The following CTNS variants were observed in gnomAD, a reference collection of about 807,000 sequenced individuals.
CTNS encodes the protein cystinosin, lysosomal cystine transporter.
A neutral mutation model predicts 43.7 loss-of-function variants in CTNS; 27 were observed. The observed-to-expected ratio is 0.62, with a 90% CI of 0.46 to 0.85. CTNS has a LOEUF of 0.85. CTNS is among the 40% of genes least tolerant of loss of function. The pLI is 0.00. For synonymous variants in CTNS, 187 were observed against 190.6 expected (o/e 0.98, Z 0.16); for missense variants, 457 against 475.4 (o/e 0.96, Z 0.36).
At chr17:3,654,061 C>T (rs993026721) in intron 5 of CTNS, among the ~76,000 whole-genome samples, 1 of 152,118 alleles carries the variant, frequency 6.6e-6, no homozygotes, top group Non-Finnish European at 1.5e-5. Context: ...GCCAGGCTGG[C>T]ACAGGGCACA....
rs991540823 is a variant in CTNS, at chr17:3,660,532, C to G, written c.*163C>G. 2 of 1,612,468 alleles carry G rather than the reference C, an allele frequency of 1.2e-6. No individual in the cohort carries two copies. Among genetic ancestry groups the G allele is most frequent in the Non-Finnish European group, 1.7e-6 (2 of 1,179,990 alleles). Reference sequence around the variant, plus strand: ...CCTGGGGCCAGAGGCCATTCAATAGCCTGCCTTCGTCCGGGCCCCTCCTGG... The same window carrying G: ...CCTGGGGCCAGAGGCCATTCAATAGGCTGCCTTCGTCCGGGCCCCTCCTGG... On this transcript the variant is annotated 3_prime_UTR_variant, in exon 12 of 12. Transcript: ENST00000046640.
rs559073539 is a variant in CTNS at position 3,659,799 on chromosome 17, A to G, written c.853-59A>G. ...GTTTGGAGGGGCAGTCACGAGGCGC[A>G]TGAGGCAGCCGCCCAGCCCTCACCG... is the stretch of plus-strand genomic sequence containing the variant. On this transcript the variant is annotated intron_variant, in intron 10 of 11. Coordinates refer to ENST00000046640, the MANE Select transcript of CTNS (RefSeq NM_004937.3). 170 of 1,282,578 alleles carry G rather than the reference A, an allele frequency of 1.3e-4. 3 individuals carry two copies. The South Asian group carries it at 1.9e-3, about 15-fold the overall frequency. The allele number at this position is 1,282,578 out of a possible 1,614,324, so 79.4% of individuals were successfully genotyped here.
At chr17:3,643,979 G>A (rs1385130711) in intron 3 of CTNS, among the ~76,000 whole-genome samples, 1 of 152,164 alleles carries the variant, frequency 6.6e-6, no homozygotes, top group Non-Finnish European at 1.5e-5. Flanking sequence ...GGTCAAAGCT[G>A]CAGTGAGCCA....
chr17:3,657,177 T>G (rs2076169956), intron 9 of CTNS, among the ~76,000 whole-genome samples: 2 of 151,196 alleles, frequency 1.3e-5, no homozygotes, highest in South Asian at 4.2e-4. Context: ...TGAGTGAAGT[T>G]CCTATGGAGG....
rs77453839 is a variant in CTNS, at chr17:3,656,487, T to C, written c.462T>C (p.Ser154=). The C allele has an allele frequency of 0.011, 17,875 of 1,587,498 alleles. 1,608 individuals carry two copies. The African/African-American group carries it at 0.21, about 19-fold the overall frequency. Residue 154 remains serine, a splice_region_variant and synonymous_variant, in exon 8 of 12, where the codon AGT becomes AGC. Transcript: ENST00000046640. ...TGTCTTGTCCCTCCACCCCCTGCAG[T>C]GTCATTGGTCTGAGCTTCGACTTCG... is the stretch of plus-strand genomic sequence containing the variant. ...PQVIMNWRRK[S]VIGLSFDFVA... is the part of the protein sequence containing the mutation.
chr17:3,647,596 C>T, intron 4 of CTNS, 74 bp downstream of exon 4: 1 of 1,299,266 alleles, frequency 7.7e-7, no homozygotes, highest in Non-Finnish European at 1.1e-6. Flanking sequence ...ACCCCTGGCT[C>T]AGTCTGTTCA....
At chr17:3,650,203 G>A (rs1020908275) in intron 5 of CTNS, 1 of 1,550,340 alleles carries the variant, frequency 6.5e-7, no homozygotes, top group African/African-American at 1.4e-5. Flanking sequence ...AAGAATGCAG[G>A]GATGAGATCA....
At chr17:3,638,878 G>C (rs891906506) in intron 2 of CTNS, among the ~76,000 whole-genome samples, 3 of 152,194 alleles carry the variant, frequency 2.0e-5, no homozygotes, top group African/African-American at 7.2e-5. Context: ...CCAGCGCCAA[G>C]AGCAAGGCCC....
chr17:3,662,891 CCT>C lies in CTNS; in HGVS notation c.*2523_*2524del, dbSNP rs1467079773. ...CCCAGCCCATGCCTCAGCAAAGCCCCCTGTGAATTCCAGCATTTTTATTGAGC... is the reference window on the plus strand; with the variant it reads ...CCCAGCCCATGCCTCAGCAAAGCCCCGTGAATTCCAGCATTTTTATTGAGC... On this transcript the variant is annotated 3_prime_UTR_variant, in exon 12 of 12. Coordinates refer to ENST00000046640, the MANE Select transcript of CTNS (RefSeq NM_004937.3). 6.6e-6 allele frequency: 1 copy of C among 152,180 alleles called. No homozygotes were observed. Among genetic ancestry groups the C allele is most frequent in the Non-Finnish European group, 1.5e-5 (1 of 68,038 alleles). 9.4% of individuals were successfully genotyped at this position (152,180 alleles called of 1,614,324 possible).
chr17:3,643,033 G>A (rs1042698986), intron 3 of CTNS, among the ~76,000 whole-genome samples: 2 of 151,870 alleles, frequency 1.3e-5, no homozygotes, highest in African/African-American at 2.4e-5. Flanking sequence ...TGCCTACCTC[G>A]GCCTGGCGCG....
At chr17:3,654,617 G>C (rs1209367357) in intron 5 of CTNS, among the ~76,000 whole-genome samples, 1 of 150,150 alleles carries the variant, frequency 6.7e-6, no homozygotes, top group African/African-American at 2.4e-5. Flanking sequence ...GGAGGCAGAG[G>C]TTGCAGTGAG....
intron 3 of CTNS, among the ~76,000 whole-genome samples, chr17:3,642,291 T>C (rs947913908): frequency 1.3e-5 from 2 of 151,836 alleles, no homozygotes; most frequent in African/African-American, 2.4e-5. Context: ...CCAGAGAGGG[T>C]AGAAGGCTTC....
intron 2 of CTNS, 43 bp from the exon 3 acceptor site, chr17:3,640,145 T>C: frequency 2.0e-6 from 3 of 1,520,764 alleles, no homozygotes; most frequent in Non-Finnish European, 2.7e-6. Flanking sequence ...CTGAGCTGAT[T>C]CAACATTCCC....
At chr17:3,648,715 A>G in intron 4 of CTNS, 132 bp from the exon 5 acceptor site, 1 of 785,076 alleles carries the variant, frequency 1.3e-6, no homozygotes, top group South Asian at 1.4e-5. Flanking sequence ...CTGGCTACCC[A>G]TCAGGGTGGA....
chr17:3,656,954 C>G, intron 9 of CTNS, 159 bp downstream of exon 9: 2 of 1,169,664 alleles, frequency 1.7e-6, no homozygotes, highest in Middle Eastern at 2.8e-4. Flanking sequence ...AGTCCAGGCC[C>G]TCAGAGCCCC....
intron 3 of CTNS, among the ~76,000 whole-genome samples, chr17:3,641,738 A>G (rs1276158396): frequency 6.6e-6 from 1 of 152,020 alleles, no homozygotes; most frequent in Non-Finnish European, 1.5e-5. Context: ...AAACAATACA[A>G]ATCCTGCAGA....
At chr17:3,640,131 G>A in intron 2 of CTNS, 57 bp from the exon 3 acceptor site, 2 of 1,384,988 alleles carry the variant, frequency 1.4e-6, no homozygotes, top group Non-Finnish European at 2.1e-6. Context: ...TTGTCTACAG[G>A]GAGCTGAGCT....
chr17:3,642,503 C>T (rs2075745456), intron 3 of CTNS, among the ~76,000 whole-genome samples: 9 of 152,056 alleles, frequency 5.9e-5, no homozygotes. Context: ...GCCTGGCCAA[C>T]ATGGTGAAAC....
chr17:3,639,015 G>A (rs1488000434), intron 2 of CTNS, among the ~76,000 whole-genome samples: 1 of 152,140 alleles, frequency 6.6e-6, no homozygotes, highest in Non-Finnish European at 1.5e-5. Context: ...TCAGACAGCT[G>A]GAGCAGCCAG....
Sources: gnomAD v4.1 joint callset for allele counts (sites outside exome capture counted in the v4.1 genomes callset) on GRCh38, gnomAD v4.1.1 for gene constraint, MANE v1.5 for transcripts, NCBI Gene and HGNC (gene_info 2026-07-23, HGNC 2026-07-21) for gene names.